IGF2BP2: variants seen among roughly 807,000 people sequenced by gnomAD.
The protein encoded by IGF2BP2 is insulin-like growth factor 2 mRNA-binding protein 2.
A neutral mutation model predicts 75.8 loss-of-function variants in IGF2BP2; 17 were observed. The observed-to-expected ratio is 0.22, with a 90% CI of 0.15 to 0.34. The LOEUF (loss-of-function observed/expected upper bound fraction) is 0.34, where lower values mean the gene tolerates loss of function less well. Among genes scored for constraint, IGF2BP2 ranks in the 10% least tolerant of loss-of-function variants. The probability of loss-of-function intolerance (pLI) is 1.00; values close to 1 mark genes in which losing one functional copy is unlikely to be tolerated. For missense variants in IGF2BP2, 516 were observed against 772.4 expected, an observed-to-expected ratio of 0.67 and a Z score of 3.93; for synonymous variants, 288 against 295.6, an observed-to-expected ratio of 0.97 and a Z score of 0.26.
chr3:185,776,670 C>T (rs186576549), intron 2 of IGF2BP2, among the ~76,000 whole-genome samples: 2 of 152,278 alleles, frequency 1.3e-5, no homozygotes, highest in Admixed American at 1.3e-4. Context: ...AAAGCCACAG[C>T]AGGGGTGTCA....
intron 2 of IGF2BP2, among the ~76,000 whole-genome samples, chr3:185,771,980 C>T (rs1202807167): frequency 1.3e-5 from 2 of 152,156 alleles, no homozygotes; most frequent in African/African-American, 4.8e-5. Context: ...GTAGGCATCT[C>T]TGCCCCAAAC....
intron 2 of IGF2BP2, among the ~76,000 whole-genome samples, chr3:185,816,477 T>C (rs954517235): frequency 2.0e-5 from 3 of 152,212 alleles, no homozygotes; most frequent in Admixed American, 6.5e-5. Context: ...TTTTCATATA[T>C]TTCTACCACC....
intron 2 of IGF2BP2, among the ~76,000 whole-genome samples, chr3:185,775,736 A>T (rs543706831): frequency 1.2e-4 from 19 of 152,184 alleles, no homozygotes; most frequent in Middle Eastern, 6.8e-3. Context: ...AGGACAAAGG[A>T]TGGGCTGGGT....
intron 1 of IGF2BP2, among the ~76,000 whole-genome samples, chr3:185,824,398 G>T: frequency 6.8e-6 from 1 of 147,740 alleles, no homozygotes; most frequent in Admixed American, 6.7e-5. Context: ...CCTGACAAAG[G>T]GGGTGACAGG....
chr3:185,799,746 C>T (rs1482083356), intron 2 of IGF2BP2, among the ~76,000 whole-genome samples: 5 of 143,990 alleles, frequency 3.5e-5, no homozygotes, highest in Admixed American at 1.4e-4. Flanking sequence ...AGCGAGACTC[C>T]GTCTCAAAAA....
chr3:185,686,111 T>C (rs1721090249), intron 7 of IGF2BP2, among the ~76,000 whole-genome samples: 1 of 152,190 alleles, frequency 6.6e-6, no homozygotes, highest in African/African-American at 2.4e-5. Context: ...GGGCTGGACA[T>C]GGTGGCTCAT....
At chr3:185,776,534 G>A (rs991223225) in intron 2 of IGF2BP2, among the ~76,000 whole-genome samples, 2 of 152,180 alleles carry the variant, frequency 1.3e-5, no homozygotes, top group Admixed American at 6.5e-5. Context: ...CGTTTTGAAC[G>A]TGTTGAGTTG....
intron 3 of IGF2BP2, 89 bp downstream of exon 3, chr3:185,698,210 C>A: frequency 8.8e-7 from 1 of 1,136,026 alleles, no homozygotes; most frequent in South Asian, 1.3e-5. Context: ...TTGTGGGAAA[C>A]ACTGAGGCCC....
rs549252502 is a variant in IGF2BP2, at chr3:185,689,739, C to T, written c.405-112G>A. On this transcript the variant is annotated intron_variant, in intron 5 of 15. Coordinates refer to ENST00000382199, the MANE Select transcript of IGF2BP2 (RefSeq NM_006548.6). Reference sequence around the variant, plus strand: ...ATCCCAGCACTTTGGGAGGCCGAGGCGGGTGGATCACGAGGTCAGGAGATC... The same window carrying T: ...ATCCCAGCACTTTGGGAGGCCGAGGTGGGTGGATCACGAGGTCAGGAGATC... 5.3e-5 allele frequency: 64 copies of T among 1,202,064 alleles called. 1 individual carries two copies. The African/African-American group carries it at 5.7e-4, about 11-fold the overall frequency. 74.5% of individuals were successfully genotyped at this position (1,202,064 alleles called of 1,614,324 possible).
chr3:185,733,771 T>TAATA (rs1553875252), intron 2 of IGF2BP2, among the ~76,000 whole-genome samples: 2 of 151,410 alleles, frequency 1.3e-5, no homozygotes, highest in South Asian at 2.1e-4. Context: ...ATAATAATAA[T>TAATA]AATAAATAAA....
At chr3:185,800,369 G>A (rs558478396) in intron 2 of IGF2BP2, among the ~76,000 whole-genome samples, 2 of 152,152 alleles carry the variant, frequency 1.3e-5, no homozygotes, top group East Asian at 3.9e-4. Flanking sequence ...TATGGCACAT[G>A]TATACCCATG....
chr3:185,818,492 C>T (rs1740894564), intron 2 of IGF2BP2, among the ~76,000 whole-genome samples: 1 of 152,224 alleles, frequency 6.6e-6, no homozygotes. Context: ...CTTGTCAAGA[C>T]TGAATTCCAG....
At chr3:185,764,020 A>G (rs1363497560) in intron 2 of IGF2BP2, among the ~76,000 whole-genome samples, 1 of 152,210 alleles carries the variant, frequency 6.6e-6, no homozygotes, top group Non-Finnish European at 1.5e-5. Flanking sequence ...GGATTGTAGC[A>G]GTATTGCCAA....
At position 185,696,320 on chromosome 3, in the gene IGF2BP2, T is replaced by C. The variant is rs1722572373; in HGVS notation, c.340+292A>G. 2.0e-5 allele frequency: 7 copies of C among 356,146 alleles called. No homozygotes were observed. The South Asian group carries it at 4.4e-4, about 23-fold the overall frequency. The allele number at this position is 356,146 out of a possible 1,614,324, so 22.1% of individuals were successfully genotyped here. ...CCAATTACTCCTAAGTGAATTAAGC[T>C]TACCCTAGCCTGACAGCGTTTGTCA... is the stretch of plus-strand genomic sequence containing the variant. On this transcript the variant is annotated intron_variant, in intron 4 of 15. Transcript: ENST00000382199.
chr3:185,657,002 C>A (rs1715544057), intron 12 of IGF2BP2, among the ~76,000 whole-genome samples: 1 of 152,220 alleles, frequency 6.6e-6, no homozygotes, highest in African/African-American at 2.4e-5. Flanking sequence ...TGGGAAAATC[C>A]TCAACCTTTC....
intron 2 of IGF2BP2, among the ~76,000 whole-genome samples, chr3:185,719,269 G>A (rs982694825): frequency 1.3e-5 from 2 of 152,124 alleles, no homozygotes; most frequent in Admixed American, 1.3e-4. Context: ...AAGGATAGTG[G>A]GGCATGACAA....
At chr3:185,649,626 T>A in intron 13 of IGF2BP2, 92 bp from the exon 14 acceptor site, 1 of 1,541,044 alleles carries the variant, frequency 6.5e-7, no homozygotes. Context: ...GTCCAGACAA[T>A]GGGTCAGTCC....
At chr3:185,716,871 T>C in intron 2 of IGF2BP2, 1 of 483,402 alleles carries the variant, frequency 2.1e-6, no homozygotes, top group South Asian at 1.5e-5. Flanking sequence ...ACCTGGTGGC[T>C]TGTTCGTGGA....
intron 2 of IGF2BP2, among the ~76,000 whole-genome samples, chr3:185,793,108 T>A (rs1046034243): frequency 4.6e-5 from 7 of 152,172 alleles, no homozygotes; most frequent in African/African-American, 1.7e-4. Flanking sequence ...TCTATTCTAG[T>A]CTTCTGGAAT....
Sources: gnomAD v4.1 joint callset for allele counts (sites outside exome capture counted in the v4.1 genomes callset) on GRCh38, gnomAD v4.1.1 for gene constraint, MANE v1.5 for transcripts, NCBI Gene and HGNC (gene_info 2026-07-23, HGNC 2026-07-21) for gene names.